GRM4: variants seen among roughly 807,000 people sequenced by gnomAD.
GRM4 encodes the protein metabotropic glutamate receptor 4.
A neutral mutation model predicts 81.7 loss-of-function variants in GRM4; 28 were observed. That is an observed-to-expected ratio of 0.34 (90% CI 0.25 to 0.47). The LOEUF (loss-of-function observed/expected upper bound fraction) is 0.47, where lower values mean the gene tolerates loss of function less well. Among genes scored for constraint, GRM4 ranks in the 20% least tolerant of loss-of-function variants. The pLI is 1.00. For missense variants in GRM4, 948 were observed against 1,290.0 expected (o/e 0.73, Z 4.06); for synonymous variants, 488 against 528.8 (o/e 0.92, Z 1.06).
upstream of GRM4, among the ~76,000 whole-genome samples, chr6:34,147,317 T>C (rs1234588254): frequency 2.6e-5 from 4 of 152,192 alleles, no homozygotes; most frequent in East Asian, 7.7e-4. Flanking sequence ...CCGTGGCCAT[T>C]CGGACCTCAG....
At chr6:34,122,785 G>T (rs978470361) in intron 2 of GRM4, among the ~76,000 whole-genome samples, 2 of 151,274 alleles carry the variant, frequency 1.3e-5, no homozygotes, top group Non-Finnish European at 2.9e-5. Flanking sequence ...TGGAAGTAGG[G>T]GGGGAAGACC....
chr6:34,057,484 G>A (rs75795071), intron 5 of GRM4, among the ~76,000 whole-genome samples: 3,299 of 152,294 alleles, frequency 0.022, 101 homozygotes, highest in African/African-American at 0.072. Flanking sequence ...TCTCAGCCTC[G>A]GCACTGTGGA....
chr6:34,046,536 G>A (rs1216329074), intron 6 of GRM4, among the ~76,000 whole-genome samples: 3 of 152,116 alleles, frequency 2.0e-5, no homozygotes, highest in Admixed American at 6.5e-5. Flanking sequence ...GTGGGGTTCC[G>A]TCCTGCTGGG....
chr6:34,099,506 G>C (rs1367605243), intron 2 of GRM4, among the ~76,000 whole-genome samples: 1 of 152,138 alleles, frequency 6.6e-6, no homozygotes, highest in Non-Finnish European at 1.5e-5. Flanking sequence ...GAGAGAGTGG[G>C]GACTAGCAGG....
At chr6:34,122,287 G>C (rs1769842347) in intron 2 of GRM4, among the ~76,000 whole-genome samples, 1 of 152,098 alleles carries the variant, frequency 6.6e-6, no homozygotes, top group African/African-American at 2.4e-5. Context: ...GGACATGAGA[G>C]GGGAACAGAA....
intron 2 of GRM4, among the ~76,000 whole-genome samples, chr6:34,110,299 C>T (rs904346622): frequency 1.8e-5 from 2 of 108,310 alleles, no homozygotes; most frequent in East Asian, 5.4e-4. Context: ...GTCTCAAAAA[C>T]AACACCCACC....
intron 3 of GRM4, among the ~76,000 whole-genome samples, chr6:34,065,366 C>G (rs754472150): frequency 4.0e-5 from 6 of 149,368 alleles, no homozygotes; most frequent in Non-Finnish European, 7.4e-5. Context: ...CCCCAAGTCT[C>G]TCTCGTTGAA....
rs541410462 is a variant in GRM4, at chr6:34,063,359, G to C, written c.737-1331C>G. ...AGGGGTCCCTACCTGTGGGCAGGGA[G>C]ATGGCCGCCAGGGAAGGCTGCCCAA... On this transcript the variant is annotated intron_variant, in intron 3 of 10. Transcript: ENST00000538487. The C allele has an allele frequency of 2.6e-5, 4 of 152,590 alleles. No homozygotes were observed. In the East Asian group the frequency reaches 7.7e-4, roughly 29 times the overall value. 9.5% of individuals were successfully genotyped at this position (152,590 alleles called of 1,614,324 possible).
chr6:34,102,884 C>T (rs1189058091), intron 2 of GRM4, among the ~76,000 whole-genome samples: 1 of 152,260 alleles, frequency 6.6e-6, no homozygotes, highest in Admixed American at 6.5e-5. Context: ...GGTCGCAGAG[C>T]TGGTCAGCAG....
Position 34,047,195 on chromosome 6 carries a change from CCT to C in GRM4, c.1169-6449_1169-6448del, listed in dbSNP as rs1179795522. Among the ~76,000 whole-genome samples the C allele has an allele frequency of 1.3e-5, 2 of 152,144 alleles. No individual in the cohort carries two copies. The highest frequency in any genetic ancestry group is 4.8e-5 in the African/African-American group (2 of 41,406). On this transcript the variant is annotated intron_variant, in intron 6 of 10. Coordinates refer to ENST00000538487, the MANE Select transcript of GRM4 (RefSeq NM_000841.4). The surrounding 1 kb of genome is among the most constrained non-coding windows in gnomAD (Gnocchi z 4.5). ...TCTCAGCCTCAGCTCTCCTTTCCTC[CCT>C]GACACGCCCCTGCTGGATGACACCC...
At chr6:34,142,700 G>A (rs1031312432) in intron 1 of GRM4, among the ~76,000 whole-genome samples, 6 of 152,164 alleles carry the variant, frequency 3.9e-5, no homozygotes, top group Non-Finnish European at 5.9e-5. Context: ...TCACTCGATC[G>A]CTCACCCGCT....
rs376358373 is a variant in GRM4 at position 34,028,242 on chromosome 6, C to A, written c.2567G>T (p.Arg856Leu). Reference protein sequence around the residue: ...LFHPEQNVPKRKRSLKAVVTA... With the variant: ...LFHPEQNVPKLKRSLKAVVTA... ...AACGACGGCTTTGAGGCTGCGCTTG[C>A]GCTTGGGCACGTTCTGCTCCGGGTG... Residue 856 changes from arginine (R) to leucine (L), a missense_variant, in exon 10 of 11, where the codon CGC (arginine) becomes CTC (leucine). Arg to Leu is a moderately radical substitution (Grantham distance 102). Coordinates refer to ENST00000538487, the MANE Select transcript of GRM4 (RefSeq NM_000841.4). 44 of 1,613,968 alleles carry A rather than the reference C, an allele frequency of 2.7e-5. No homozygotes were observed. The highest frequency in any genetic ancestry group is 2.7e-5 in the Non-Finnish European group (32 of 1,180,036).
In GRM4 at chr6:34,152,503, C is replaced by G. The variant is rs944620417; in HGVS notation, c.312+2576G>C. ...AGGATTCTGCTCCCCTCGAAGGAGG[C>G]AGCAGCATTTCTGCAAACACCCCTT... On this transcript the variant is annotated intron_variant, in intron 1 of 8. Transcript: ENST00000374177. The surrounding 1 kb of genome is among the most constrained non-coding windows in gnomAD (Gnocchi z 4.1). 2.0e-5 allele frequency among the ~76,000 whole-genome samples: 3 copies of G among 152,140 alleles called. No individual in the cohort carries two copies. The highest frequency in any genetic ancestry group is 2.9e-5 in the Non-Finnish European group (2 of 68,020).
intron 2 of GRM4, among the ~76,000 whole-genome samples, chr6:34,128,338 T>C (rs1442475268): frequency 6.6e-6 from 1 of 151,872 alleles, no homozygotes; most frequent in Non-Finnish European, 1.5e-5. Flanking sequence ...CCAGGCACCA[T>C]GCTAGGCCTT....
intron 2 of GRM4, among the ~76,000 whole-genome samples, chr6:34,124,281 T>C (rs936666323): frequency 1.9e-4 from 29 of 152,068 alleles, no homozygotes; most frequent in African/African-American, 7.0e-4. Flanking sequence ...CCTAGAACAC[T>C]CTTACAGCCA....
At chr6:34,044,532 A>C (rs1453933884) in intron 6 of GRM4, among the ~76,000 whole-genome samples, 1 of 140,810 alleles carries the variant, frequency 7.1e-6, no homozygotes, top group East Asian at 2.2e-4. Context: ...ATACATACAC[A>C]TATATACAGA....
rs1764492692 is a variant in GRM4, at chr6:34,032,600, GA to G, written c.2442+3067del. Among the ~76,000 whole-genome samples, 7 of 152,248 alleles carry G rather than the reference GA, an allele frequency of 4.6e-5. 1 individual carries two copies. In the South Asian group the frequency reaches 1.4e-3, roughly 32 times the overall value. On this transcript the variant is annotated intron_variant, in intron 9 of 10. Coordinates refer to ENST00000538487, the MANE Select transcript of GRM4 (RefSeq NM_000841.4). ...CACCAGGGAGAGAGCACACTGGTGT[GA>G]GGCCAGCCTGTCGTATGACCTGGGA...
At chr6:34,091,222 C>T (rs1424885881) in intron 3 of GRM4, among the ~76,000 whole-genome samples, 1 of 152,226 alleles carries the variant, frequency 6.6e-6, no homozygotes, top group African/African-American at 2.4e-5. Context: ...CCCTTGTTAT[C>T]GCTCAGCCAC....
intron 5 of GRM4, 103 bp from the exon 6 acceptor site, chr6:34,056,787 A>T: frequency 7.9e-7 from 1 of 1,259,348 alleles, no homozygotes; most frequent in Non-Finnish European, 1.1e-6. Flanking sequence ...GCGGAGGGAG[A>T]GAGACCAGGA....
Sources: gnomAD v4.1 joint callset for allele counts (sites outside exome capture counted in the v4.1 genomes callset) on GRCh38, gnomAD v4.1.1 for gene constraint, Gnocchi (gnomAD v3.1) non-coding constraint, MANE v1.5 for transcripts, NCBI Gene and HGNC (gene_info 2026-07-23, HGNC 2026-07-21) for gene names.